HIVEP3: variants seen among roughly 807,000 people sequenced by gnomAD.
The protein encoded by HIVEP3 is transcription factor HIVEP3.
In HIVEP3, 49 loss-of-function variants were observed where a neutral mutation model predicts 152.8. The ratio of observed to expected loss-of-function variants is 0.32; its 90% CI spans 0.26 to 0.41. The LOEUF (loss-of-function observed/expected upper bound fraction) is 0.41, where lower values mean the gene tolerates loss of function less well. HIVEP3 is among the 10% of genes least tolerant of loss of function. HIVEP3 has a pLI of 1.00. For synonymous variants in HIVEP3, 1,269 were observed against 1,289.0 expected, an observed-to-expected ratio of 0.98 and a Z score of 0.33; for missense variants, 2,790 against 3,103.3, an observed-to-expected ratio of 0.90 and a Z score of 2.40.
At chr1:42,024,486 C>T (rs147427086) in intron 1 of HIVEP3, among the ~76,000 whole-genome samples, 255 of 152,270 alleles carry the variant, frequency 1.7e-3, no homozygotes, top group Middle Eastern at 6.8e-3. Flanking sequence ...AATTTATCAG[C>T]CTGAAGATAG....
At chr1:42,003,593 T>C (rs1198232089) in intron 1 of HIVEP3, among the ~76,000 whole-genome samples, 2 of 152,094 alleles carry the variant, frequency 1.3e-5, no homozygotes, top group African/African-American at 2.4e-5. Context: ...CAGGCACTCC[T>C]TCCTGGCACA....
intron 1 of HIVEP3, among the ~76,000 whole-genome samples, chr1:41,861,824 G>C (rs1643890596): frequency 6.6e-6 from 1 of 152,210 alleles, no homozygotes; most frequent in African/African-American, 2.4e-5. Flanking sequence ...AAAACTTCAA[G>C]ACTTTAGCTT....
intron 2 of HIVEP3, among the ~76,000 whole-genome samples, chr1:41,693,055 A>C (rs1646220435): frequency 6.6e-6 from 1 of 152,230 alleles, no homozygotes; most frequent in Admixed American, 6.5e-5. Context: ...CCCACTTTGC[A>C]GATGAGGACT....
At chr1:41,745,145 C>T (rs1647053033) in intron 1 of HIVEP3, among the ~76,000 whole-genome samples, 1 of 152,216 alleles carries the variant, frequency 6.6e-6, no homozygotes, top group South Asian at 2.1e-4. Flanking sequence ...GAGATGGTGA[C>T]TTTCTCTAAC....
At chr1:41,952,249 C>T (rs1645112842) in intron 1 of HIVEP3, among the ~76,000 whole-genome samples, 1 of 152,202 alleles carries the variant, frequency 6.6e-6, no homozygotes, top group Admixed American at 6.5e-5. Context: ...TTGCTTCTCA[C>T]TTCATGAATT....
Position 41,929,726 on chromosome 1 carries a change from T to TATATATATATATATATATATATATATA in HIVEP3, n.120-11203_120-11202insTATATATATATATATATATATATATAT, listed in dbSNP as rs1553135852. On this transcript the variant is annotated intron_variant and non_coding_transcript_variant, in intron 1 of 3. Coordinates refer to the HIVEP3 transcript ENST00000489103. ...TGTGTGAGTGTGTGTATATGTGTTT[T>TATATATATATATATATATATATATATA]TATATATATATATATATATATATAT... 2.2e-3 allele frequency among the ~76,000 whole-genome samples: 248 copies of TATATATATATATATATATATATATATA among 112,716 alleles called. 20 individuals are homozygous for TATATATATATATATATATATATATATA. The highest frequency in any genetic ancestry group is 3.1e-3 in the Admixed American group (33 of 10,582). The allele number at this position is 112,716 out of a possible 152,430, so 73.9% of individuals were successfully genotyped here.
At chr1:42,033,629 A>G (rs1406562690) in intron 1 of HIVEP3, among the ~76,000 whole-genome samples, 5 of 152,256 alleles carry the variant, frequency 3.3e-5, no homozygotes, top group African/African-American at 9.6e-5. Flanking sequence ...GAGGAATTGA[A>G]AGGGAAGGAG....
rs368509935 is a variant in HIVEP3 at position 41,520,661 on chromosome 1, C to T, written c.5384-2173G>A. Among the ~76,000 whole-genome samples the T allele has an allele frequency of 9.8e-5, 15 of 152,344 alleles. No homozygotes were observed. The East Asian group carries it at 2.1e-3, about 22-fold the overall frequency. ...TCTGGCTATTACCTCACTTGTTGCA[C>T]CTGTTCTGCCTGGAAGGTTTAGGTC... is the stretch of plus-strand genomic sequence containing the variant. On this transcript the variant is annotated intron_variant, in intron 6 of 8. Coordinates refer to ENST00000372583, the MANE Select transcript of HIVEP3 (RefSeq NM_024503.5).
intron 1 of HIVEP3, among the ~76,000 whole-genome samples, chr1:41,831,339 T>A (rs959647484): frequency 2.0e-5 from 3 of 152,222 alleles, no homozygotes; most frequent in South Asian, 4.1e-4. Flanking sequence ...GCCTCAGTTT[T>A]CTCATCTGCG....
chr1:41,624,402 T>C (rs551562720), intron 3 of HIVEP3, among the ~76,000 whole-genome samples: 1 of 152,204 alleles, frequency 6.6e-6, no homozygotes, highest in Non-Finnish European at 1.5e-5. Context: ...CTATAGCACA[T>C]GGGAACACAC....
chr1:41,988,040 G>A (rs140098873), intron 1 of HIVEP3, among the ~76,000 whole-genome samples: 3,149 of 152,282 alleles, frequency 0.021, 66 homozygotes, highest in Non-Finnish European at 0.025. Flanking sequence ...GGGACACGGA[G>A]CCAAACCATA....
intron 1 of HIVEP3, among the ~76,000 whole-genome samples, chr1:41,890,377 C>T: frequency 6.6e-6 from 1 of 152,152 alleles, no homozygotes; most frequent in East Asian, 1.9e-4. Flanking sequence ...AATGAGGGAC[C>T]TGGAATCCAG....
chr1:41,678,086 T>C (rs1166696811), intron 2 of HIVEP3, among the ~76,000 whole-genome samples: 3 of 152,162 alleles, frequency 2.0e-5, no homozygotes. Flanking sequence ...TCTGAATAAA[T>C]ATTTTGGTTC....
At position 41,842,099 on chromosome 1, in the gene HIVEP3, A is replaced by G. The variant is rs188745795; in HGVS notation, c.-801+76314T>C. On this transcript the variant is annotated intron_variant, in intron 1 of 8. Transcript: ENST00000372583. ...AGAGAGAGACTCCATCTCAAAAAAA[A>G]AATTCACTGTTAATGATTATGATGA... Among the ~76,000 whole-genome samples the G allele has an allele frequency of 2.1e-3, 326 of 152,262 alleles. 4 individuals are homozygous for G. The highest frequency in any genetic ancestry group is 7.5e-3 in the African/African-American group (313 of 41,548).
intron 1 of HIVEP3, among the ~76,000 whole-genome samples, chr1:41,820,355 G>A (rs1169203560): frequency 2.0e-5 from 3 of 152,092 alleles, no homozygotes; most frequent in Non-Finnish European, 4.4e-5. Context: ...ATGACCATAG[G>A]TCCCTGTTTG....
intron 3 of HIVEP3, among the ~76,000 whole-genome samples, chr1:41,608,917 CAAA>C (rs35714997): frequency 6.5e-5 from 8 of 123,538 alleles, no homozygotes; most frequent in African/African-American, 2.0e-4. Context: ...CTAAAAATAC[CAAA>C]AAAAAAAAAA....
intron 7 of HIVEP3, among the ~76,000 whole-genome samples, chr1:41,517,549 C>T (rs1035141518): frequency 2.0e-5 from 3 of 149,518 alleles, no homozygotes; most frequent in African/African-American, 5.2e-5. Flanking sequence ...ACACACAGTG[C>T]GTGCATACAC....
chr1:41,945,227 C>G (rs1283381083), intron 1 of HIVEP3, among the ~76,000 whole-genome samples: 1 of 152,128 alleles, frequency 6.6e-6, no homozygotes, highest in African/African-American at 2.4e-5. Flanking sequence ...CGCCTTCAAC[C>G]CAAACGGTAC....
intron 3 of HIVEP3, among the ~76,000 whole-genome samples, chr1:41,622,083 G>GGGTT (rs1168359244): frequency 1.3e-5 from 2 of 152,176 alleles, no homozygotes; most frequent in African/African-American, 4.8e-5. Flanking sequence ...CATCCATCTT[G>GGGTT]CAGATCCTTG....
Sources: allele counts gnomAD v4.1 joint callset (sites outside exome capture counted in the v4.1 genomes callset), GRCh38; gene constraint gnomAD v4.1.1; transcripts MANE v1.5; gene names NCBI Gene and HGNC (gene_info 2026-07-23, HGNC 2026-07-21).